Variants in KIF20B observed in about 807,000 individuals in gnomAD.
KIF20B encodes the protein kinesin family member 20B, also known as kinesin-like protein KIF20B.
Under a neutral mutation model 232.5 loss-of-function variants are expected in KIF20B, and 188 were observed. The observed-to-expected ratio is 0.81, with a 90% CI of 0.72 to 0.91. The LOEUF (loss-of-function observed/expected upper bound fraction) is 0.91. Among genes scored for constraint, KIF20B ranks in the 40% least tolerant of loss-of-function variants. The pLI, the probability that KIF20B is intolerant of heterozygous loss-of-function variation, is 0.00. For missense variants in KIF20B, 2,154 were observed against 2,055.9 expected, an observed-to-expected ratio of 1.05 and a Z score of -0.92; for synonymous variants, 712 against 683.0, an observed-to-expected ratio of 1.04 and a Z score of -0.66.
intron 24 of KIF20B, among the ~76,000 whole-genome samples, chr10:89,751,965 A>T (rs956739810): frequency 6.6e-6 from 1 of 151,894 alleles, no homozygotes; most frequent in Non-Finnish European, 1.5e-5. Context: ...TAGCCATTTT[A>T]TATATAACCT....
intron 18 of KIF20B, among the ~76,000 whole-genome samples, chr10:89,731,161 A>G (rs1843309582): frequency 6.6e-6 from 1 of 152,164 alleles, no homozygotes; most frequent in Non-Finnish European, 1.5e-5. Context: ...TTGATTTGGT[A>G]AATAAAAACA....
At position 89,745,300 on chromosome 10, in the gene KIF20B, G is replaced by A. The variant is rs185442604; in HGVS notation, c.4036-599G>A. On this transcript the variant is annotated intron_variant, in intron 22 of 32. Coordinates refer to ENST00000371728, the MANE Select transcript of KIF20B (RefSeq NM_001284259.2). ...AGCACTTTGGGAAGCCGAGGCAGAC[G>A]GATCACAAGGTCAGGAGATCGAGAC... Among the ~76,000 whole-genome samples the A allele has an allele frequency of 1.6e-3, 243 of 152,290 alleles. 1 individual carries two copies. Among genetic ancestry groups the A allele is most frequent in the African/African-American group, 5.5e-3 (230 of 41,558 alleles).
chr10:89,738,145 C>CTAGAAG lies in KIF20B; in HGVS notation c.3306_3307insGAAGTA (p.Leu1102_Lys1103insGluVal), dbSNP rs1564667055. On this transcript the variant is annotated inframe_insertion, in exon 20 of 33. Coordinates refer to ENST00000371728, the MANE Select transcript of KIF20B (RefSeq NM_001284259.2). ...AGGCTATAAGGATGAAAACAATAGA[C>CTAGAAG]TAAAGGAGAAGGAGCATAAAAACCA... 6.2e-7 allele frequency: 1 copy of CTAGAAG among 1,607,546 alleles called. No individual in the cohort carries two copies. Among genetic ancestry groups the CTAGAAG allele is most frequent in the Non-Finnish European group, 8.5e-7 (1 of 1,178,280 alleles).
chr10:89,772,589 T>TTCTTTATTAAGGATTTCAAACCA, intron 31 of KIF20B, 100 bp from the exon 32 acceptor site: 1 of 701,558 alleles, frequency 1.4e-6, no homozygotes, highest in South Asian at 2.4e-5. Flanking sequence ...TGTATGTTCA[T>TTCTTTATTAAGGATTTCAAACCA]TCTTTATTAA....
intron 15 of KIF20B, among the ~76,000 whole-genome samples, chr10:89,725,367 T>TTA (rs111527643): frequency 5.2e-4 from 79 of 150,968 alleles, no homozygotes; most frequent in East Asian, 1.9e-3. Context: ...TATACCTCTG[T>TTA]TATATATATA....
In KIF20B at chr10:89,727,869, G is replaced by C. The variant is rs775923499; in HGVS notation, c.2244G>C (p.Leu748Phe). The change falls in exon 17 of 33, where the codon TTG becomes TTC. Residue 748 changes from leucine to phenylalanine, a missense_variant. Coordinates refer to ENST00000371728, the MANE Select transcript of KIF20B (RefSeq NM_001284259.2). The stretch of plus-strand genomic sequence containing the variant: ...TTATTTTTTCAGAATCAGATTCATT[G>C]ATTCAAGAGCTTGAGACATCTAATA... ...LKKRENESDS[L>F]IQELETSNKK... 6.4e-6 allele frequency: 10 copies of C among 1,555,124 alleles called. No homozygotes were observed. The highest frequency in any genetic ancestry group is 2.7e-5 in the African/African-American group (2 of 73,256).
chr10:89,762,453 A>G (rs1842261549), intron 28 of KIF20B, among the ~76,000 whole-genome samples, 185 bp from the exon 29 acceptor site: 1 of 152,136 alleles, frequency 6.6e-6, no homozygotes, highest in African/African-American at 2.4e-5. Flanking sequence ...CCTAATTTTA[A>G]CATACCATGT....
At chr10:89,760,500 G>C (rs377068996) in intron 27 of KIF20B, 26 bp from the exon 28 acceptor site, 1 of 1,397,162 alleles carries the variant, frequency 7.2e-7, no homozygotes, top group African/African-American at 1.4e-5. Flanking sequence ...ACAATGCCCT[G>C]TTGCTTTAAT....
chr10:89,748,966 T>A (rs1328609042), intron 23 of KIF20B, among the ~76,000 whole-genome samples: 1 of 152,202 alleles, frequency 6.6e-6, no homozygotes, highest in Non-Finnish European at 1.5e-5. Context: ...TTTGGTGTTA[T>A]TGTACACTCT....
intron 8 of KIF20B, 96 bp downstream of exon 8, chr10:89,715,278 G>C (rs1842915007): frequency 1.3e-6 from 1 of 741,352 alleles, no homozygotes. Context: ...ATTGAAAATT[G>C]TAATGCTAAT....
At chr10:89,748,451 C>T (rs1841961616) in intron 23 of KIF20B, among the ~76,000 whole-genome samples, 1 of 152,216 alleles carries the variant, frequency 6.6e-6, no homozygotes, top group South Asian at 2.1e-4. Flanking sequence ...TCTTAAGTCT[C>T]AGACTCTCTT....
At position 89,738,681 on chromosome 10, in the gene KIF20B, T is replaced by A; in HGVS notation, c.3776+64T>A. On this transcript the variant is annotated intron_variant, in intron 20 of 32. Coordinates refer to ENST00000371728, the MANE Select transcript of KIF20B (RefSeq NM_001284259.2). ...AAGCATTCATTTTGCTATGCAGCTTTAAAAAAGTTAGATAGTCATACTTAA... is the reference window on the plus strand; with the variant it reads ...AAGCATTCATTTTGCTATGCAGCTTAAAAAAAGTTAGATAGTCATACTTAA... The A allele has an allele frequency of 3.4e-6, 5 of 1,469,466 alleles. No homozygotes were observed. In the South Asian group the frequency reaches 5.8e-5, roughly 17 times the overall value. 91.0% of individuals were successfully genotyped at this position (1,469,466 alleles called of 1,614,324 possible). A position where few individuals can be genotyped will look rare whatever the true frequency, so the allele number is the denominator to read the frequency against.
At chr10:89,753,546 A>G (rs1339625707) in intron 25 of KIF20B, among the ~76,000 whole-genome samples, 1 of 152,212 alleles carries the variant, frequency 6.6e-6, no homozygotes, top group Non-Finnish European at 1.5e-5. Context: ...AGATGATGTA[A>G]TCACATTAGT....
intron 24 of KIF20B, 42 bp downstream of exon 24, chr10:89,751,513 A>G: frequency 1.3e-6 from 2 of 1,553,642 alleles, no homozygotes; most frequent in South Asian, 1.3e-5. Context: ...ATACTTTTTC[A>G]TTTAAAAAAA....
In KIF20B at chr10:89,733,004, A is replaced by T; in HGVS notation, c.2493A>T (p.Arg831Ser). The T allele has an allele frequency of 6.2e-7, 1 of 1,613,804 alleles. No homozygotes were observed. Among genetic ancestry groups the T allele is most frequent in the Non-Finnish European group, 8.5e-7 (1 of 1,179,800 alleles). ...GCAAATCTAAAATCTGTTCAGAAAG[A>T]AAAAGAGTAAATGAAAATGAACTTC... is the stretch of plus-strand genomic sequence containing the variant. ...KDSKSKICSE[R>S]KRVNENELQQ... Residue 831 changes from arginine to serine, a missense_variant, in exon 19 of 33, where the codon AGA becomes AGT. By Grantham distance (110) the Arg-to-Ser change is moderately radical. Coordinates refer to ENST00000371728, the MANE Select transcript of KIF20B (RefSeq NM_001284259.2).
chr10:89,716,626 T>C, intron 9 of KIF20B, 79 bp downstream of exon 9: 1 of 730,190 alleles, frequency 1.4e-6, no homozygotes. Flanking sequence ...TAATTTTACA[T>C]TAAAGTGGGC....
chr10:89,745,108 C>T (rs1841881632), intron 22 of KIF20B, among the ~76,000 whole-genome samples: 1 of 152,078 alleles, frequency 6.6e-6, no homozygotes, highest in Non-Finnish European at 1.5e-5. Context: ...AATGGTTTTT[C>T]TTGTTCCTTC....
intron 32 of KIF20B, 148 bp downstream of exon 32, chr10:89,772,979 TAATTA>T (rs1273341444): frequency 1.8e-6 from 1 of 549,596 alleles, no homozygotes; most frequent in East Asian, 3.2e-5. Flanking sequence ...AAGTTTATAC[TAATTA>T]AATATAAATA....
chr10:89,743,820 C>T lies in KIF20B; in HGVS notation c.3928C>T (p.Arg1310Cys), dbSNP rs376129504. The T allele has an allele frequency of 1.5e-4, 224 of 1,478,670 alleles. No homozygotes were observed. Among genetic ancestry groups the T allele is most frequent in the Non-Finnish European group, 2.0e-4 (222 of 1,086,826 alleles). The allele number at this position is 1,478,670 out of a possible 1,614,324, so 91.6% of individuals were successfully genotyped here. A position where few individuals can be genotyped will look rare whatever the true frequency, so the allele number is the denominator to read the frequency against. ...KQVQKEVSVM[R>C]DEDKLLRIKI... is the part of the protein sequence containing the mutation. ...CATTATTTTGTAGGTATCTGTAATG[C>T]GTGATGAGGATAAATTACTGAGGAT... The change falls in exon 22 of 33, where the codon CGT (arginine) becomes TGT (cysteine). Residue 1310 changes from arginine (R) to cysteine (C), a missense_variant. By Grantham distance (180) the Arg-to-Cys change is radical. Coordinates refer to ENST00000371728, the MANE Select transcript of KIF20B (RefSeq NM_001284259.2).
Sources: allele counts gnomAD v4.1 joint callset (sites outside exome capture counted in the v4.1 genomes callset), GRCh38; gene constraint gnomAD v4.1.1; transcripts MANE v1.5; gene names NCBI Gene and HGNC (gene_info 2026-07-23, HGNC 2026-07-21).